Variants in RELN observed in about 807,000 individuals in gnomAD.
RELN encodes the protein reelin.
Under a neutral mutation model 427.6 loss-of-function variants are expected in RELN, and 108 were observed. That is an observed-to-expected ratio of 0.25 (90% CI 0.22 to 0.30). The LOEUF (loss-of-function observed/expected upper bound fraction) is 0.30, where lower values mean the gene tolerates loss of function less well. Ranked by LOEUF, RELN falls within the 10% of genes least tolerant of loss-of-function variation. RELN has a pLI of 1.00. For missense variants in RELN, 3,715 were observed against 4,302.8 expected (o/e 0.86, Z 3.82); for synonymous variants, 1,524 against 1,513.4 (o/e 1.01, Z -0.16).
In RELN at chr7:103,594,439, C is replaced by A. The variant is rs114655373; in HGVS notation, c.3593G>T (p.Arg1198Leu). 3.2e-5 allele frequency: 51 copies of A among 1,613,902 alleles called. No individual in the cohort carries two copies. In the East Asian group the frequency reaches 1.1e-3, roughly 35 times the overall value. The change falls in exon 26 of 65, where the codon CGC becomes CTC. Residue 1198 changes from arginine (R) to leucine (L), a missense_variant. Transcript: ENST00000428762. ...AAAKTPCTRF[R>L]WWQPVFSGED... ...CCCTGAGAACACGGGCTGCCACCAG[C>A]GGAACCTGGTGCAAGGGGTCTTGGC...
chr7:103,565,268 C>T lies in RELN; in HGVS notation c.5210+10G>A. 1.2e-6 allele frequency: 2 copies of T among 1,614,020 alleles called. No homozygotes were observed. Among genetic ancestry groups the T allele is most frequent in the Non-Finnish European group, 1.7e-6 (2 of 1,179,948 alleles). ...AAAGTTCTGACATGTAGCCAAATGA[C>T]AATTCTCACATGGTGGAGAGTGGAA... On this transcript the variant is annotated intron_variant, in intron 34 of 64. Coordinates refer to ENST00000428762, the MANE Select transcript of RELN (RefSeq NM_005045.4).
chr7:103,640,463 G>T lies in RELN; in HGVS notation c.2069+80C>A, dbSNP rs112891674. The T allele has an allele frequency of 2.9e-6, 4 of 1,399,244 alleles. No individual in the cohort carries two copies. Among genetic ancestry groups the T allele is most frequent in the Admixed American group, 1.7e-5 (1 of 59,352 alleles). 86.7% of individuals were successfully genotyped at this position (1,399,244 alleles called of 1,614,324 possible). ...AAAAAGATCCCCGATCCTAAAAAAG[G>T]TTATTAAATGACTTGCGACTTCAAC... is the stretch of plus-strand genomic sequence containing the variant. On this transcript the variant is annotated intron_variant, in intron 17 of 64. Transcript: ENST00000428762. The surrounding 1 kb of genome is among the most constrained non-coding windows in gnomAD (Gnocchi z 4.1).
intron 43 of RELN, among the ~76,000 whole-genome samples, chr7:103,541,083 G>A (rs1830168881): frequency 6.6e-6 from 1 of 152,144 alleles, no homozygotes; most frequent in Admixed American, 6.5e-5. Context: ...TGAGTGTGGG[G>A]TGGTGGTGGT....
chr7:103,520,461 C>T (rs893368694), intron 48 of RELN, among the ~76,000 whole-genome samples: 1 of 151,802 alleles, frequency 6.6e-6, no homozygotes, highest in Non-Finnish European at 1.5e-5. Flanking sequence ...TTTTTAATGG[C>T]GATGGGGTTT....
At chr7:103,660,124 G>A (rs1331236175) in intron 12 of RELN, among the ~76,000 whole-genome samples, 2 of 151,922 alleles carry the variant, frequency 1.3e-5, no homozygotes, top group East Asian at 3.9e-4. Flanking sequence ...CACCAAATAT[G>A]GTTAATTTAT....
At chr7:103,701,624 G>A (rs1834093848) in intron 8 of RELN, among the ~76,000 whole-genome samples, 1 of 152,032 alleles carries the variant, frequency 6.6e-6, no homozygotes, top group South Asian at 2.1e-4. Flanking sequence ...ATTTTCAATA[G>A]TGGAAATACT....
chr7:103,717,959 T>C (rs1383990246), intron 8 of RELN, among the ~76,000 whole-genome samples: 1 of 152,174 alleles, frequency 6.6e-6, no homozygotes, highest in African/African-American at 2.4e-5. Context: ...AAGATGTTTA[T>C]GAATTAGGCT....
chr7:103,487,632 A>G (rs532242840), intron 60 of RELN, among the ~76,000 whole-genome samples: 2 of 152,238 alleles, frequency 1.3e-5, no homozygotes, highest in Non-Finnish European at 2.9e-5. Flanking sequence ...TGTTGTTTAA[A>G]TACCACAGCA....
At chr7:103,631,552 A>T (rs1256326261) in intron 19 of RELN, among the ~76,000 whole-genome samples, 2 of 152,058 alleles carry the variant, frequency 1.3e-5, no homozygotes, top group Non-Finnish European at 2.9e-5. Context: ...TCGGCCTCCC[A>T]AAGTGCTGGG....
At chr7:103,718,580 T>C (rs543744883) in intron 8 of RELN, among the ~76,000 whole-genome samples, 1 of 152,262 alleles carries the variant, frequency 6.6e-6, no homozygotes. Context: ...TTGACTGTGG[T>C]CCTCAGATCA....
intron 2 of RELN, among the ~76,000 whole-genome samples, chr7:103,852,133 T>C (rs547257689): frequency 2.6e-5 from 4 of 152,344 alleles, no homozygotes; most frequent in Middle Eastern, 3.4e-3. Context: ...TTACTTCTAC[T>C]TACTTTACTA....
chr7:103,625,132 A>G (rs1217705541), intron 20 of RELN, among the ~76,000 whole-genome samples: 1 of 152,194 alleles, frequency 6.6e-6, no homozygotes, highest in Non-Finnish European at 1.5e-5. Context: ...ACTGTGTTTA[A>G]ATTACATTAT....
chr7:103,554,026 A>G (rs1420179451), intron 38 of RELN, among the ~76,000 whole-genome samples, 195 bp from the exon 39 acceptor site: 3 of 152,178 alleles, frequency 2.0e-5, no homozygotes, highest in African/African-American at 7.2e-5. Flanking sequence ...TCTCTACAAA[A>G]AATAAAAAAA....
intron 8 of RELN, among the ~76,000 whole-genome samples, chr7:103,703,818 T>C (rs747562676): frequency 6.6e-6 from 1 of 152,192 alleles, no homozygotes; most frequent in Non-Finnish European, 1.5e-5. Flanking sequence ...TATTAAGGTA[T>C]GGTCTGAGAG....
At chr7:103,701,439 T>G (rs1468597146) in intron 8 of RELN, among the ~76,000 whole-genome samples, 1 of 152,126 alleles carries the variant, frequency 6.6e-6, no homozygotes. Context: ...GTGTGTATTA[T>G]CTAAATGATG....
At chr7:103,779,540 C>A (rs1419670200) in intron 3 of RELN, among the ~76,000 whole-genome samples, 1 of 152,152 alleles carries the variant, frequency 6.6e-6, no homozygotes, top group East Asian at 1.9e-4. Context: ...GGACACAGAG[C>A]TACTGCATGA....
chr7:103,762,031 T>A (rs1791313005), intron 4 of RELN, among the ~76,000 whole-genome samples: 1 of 152,070 alleles, frequency 6.6e-6, no homozygotes, highest in African/African-American at 2.4e-5. Context: ...GATTTTCCAA[T>A]GTCTATTCTT....
At chr7:103,962,750 ATTC>A (rs1408736772) in intron 1 of RELN, among the ~76,000 whole-genome samples, 2 of 152,174 alleles carry the variant, frequency 1.3e-5, no homozygotes, top group Admixed American at 6.5e-5. Flanking sequence ...ACAAGAAAGA[ATTC>A]TTCTGAATGT....
At chr7:103,936,604 T>A (rs567333561) in intron 1 of RELN, among the ~76,000 whole-genome samples, 42 of 152,122 alleles carry the variant, frequency 2.8e-4, no homozygotes, top group Non-Finnish European at 4.7e-4. Context: ...TTCAGCCTCA[T>A]CTTGAACAAT....
Sources: allele counts gnomAD v4.1 joint callset (sites outside exome capture counted in the v4.1 genomes callset), GRCh38; gene constraint gnomAD v4.1.1; non-coding constraint Gnocchi (gnomAD v3.1); transcripts MANE v1.5; gene names NCBI Gene and HGNC (gene_info 2026-07-23, HGNC 2026-07-21).